Variants in CCDC15 observed in about 807,000 individuals in gnomAD.
CCDC15 encodes coiled-coil domain containing 15.
In CCDC15, 105 loss-of-function variants were observed where a neutral mutation model predicts 114.5. The ratio of observed to expected loss-of-function variants is 0.92; its 90% confidence interval spans 0.78 to 1.08. The LOEUF (loss-of-function observed/expected upper bound fraction) is 1.08. CCDC15 is among the 50% of genes least tolerant of loss of function. The pLI is 0.00. For synonymous variants in CCDC15, 334 were observed against 377.8 expected, an observed-to-expected ratio of 0.88 and a Z score of 1.34; for missense variants, 1,105 against 1,093.6, an observed-to-expected ratio of 1.01 and a Z score of -0.15.
intron 4 of CCDC15, among the ~76,000 whole-genome samples, chr11:124,969,284 A>G (rs1303707997): frequency 6.6e-6 from 1 of 152,176 alleles, no homozygotes; most frequent in Non-Finnish European, 1.5e-5. Flanking sequence ...TTAGTTGCCT[A>G]AAGGTAGGAG....
chr11:125,010,975 T>C (rs918814189), intron 13 of CCDC15, among the ~76,000 whole-genome samples: 2 of 152,102 alleles, frequency 1.3e-5, no homozygotes, highest in Non-Finnish European at 1.5e-5. Flanking sequence ...TTGTGTATAG[T>C]AAAGGTAGGG....
chr11:125,022,020 G>A (rs548140567), intron 13 of CCDC15, among the ~76,000 whole-genome samples: 4 of 151,890 alleles, frequency 2.6e-5, no homozygotes, highest in African/African-American at 7.2e-5. Context: ...TACTTTACTG[G>A]CTCTCATTGG....
intron 13 of CCDC15, among the ~76,000 whole-genome samples, chr11:125,005,487 C>G (rs1948544898): frequency 6.6e-6 from 1 of 152,036 alleles, no homozygotes; most frequent in South Asian, 2.1e-4. Context: ...AAATGCGTAG[C>G]CTCTCCTACT....
chr11:124,977,480 A>G lies in CCDC15; in HGVS notation c.633A>G (p.Glu211=), dbSNP rs1339945151. Residue 211 remains glutamate (E), a splice_region_variant and synonymous_variant, in exon 6 of 16, where the codon GAA becomes GAG. Transcript: ENST00000344762. ...DGRKSFLTRE[E]VLSRKPASTG... is the part of the protein sequence containing the mutation. ...ATTTGTAGTAATTTTTTTTCCAGGA[A>G]GTGCTTTCCAGGAAACCAGCATCCA... 2 of 1,583,970 alleles carry G rather than the reference A, an allele frequency of 1.3e-6. No individual in the cohort carries two copies. The highest frequency in any genetic ancestry group is 1.7e-6 in the Non-Finnish European group (2 of 1,166,448).
intron 7 of CCDC15, 58 bp from the exon 8 acceptor site, chr11:124,987,069 A>G: frequency 7.1e-7 from 1 of 1,408,572 alleles, no homozygotes; most frequent in Non-Finnish European, 9.4e-7. Context: ...TATTTTGGAA[A>G]ATCTAGAGTA....
chr11:125,002,376 C>T (rs1948494619), intron 11 of CCDC15, among the ~76,000 whole-genome samples: 1 of 152,134 alleles, frequency 6.6e-6, no homozygotes, highest in Non-Finnish European at 1.5e-5. Flanking sequence ...ATGGTTTCCT[C>T]TGCAGCACAA....
intron 3 of CCDC15, 88 bp from the exon 4 acceptor site, chr11:124,959,727 T>G: frequency 2.6e-6 from 2 of 766,202 alleles, no homozygotes; most frequent in Non-Finnish European, 3.7e-6. Flanking sequence ...CACCCCAATT[T>G]AAAATCTTCT....
In CCDC15 at chr11:124,992,688, G is replaced by A. The variant is rs755898441; in HGVS notation, c.2139+1G>A. On this transcript the variant is annotated splice_donor_variant, in intron 10 of 15. Coordinates refer to ENST00000344762, the MANE Select transcript of CCDC15 (RefSeq NM_025004.3). LOFTEE classifies it high-confidence loss of function. ...GGACCAAGACTCCCCTAGAGAACAG[G>A]TAGAACCGAATACAGTAGGAGGACT... 6 of 1,524,452 alleles carry A rather than the reference G, an allele frequency of 3.9e-6. No individual in the cohort carries two copies. The Admixed American group carries it at 1.1e-4, about 28-fold the overall frequency. The allele number at this position is 1,524,452 out of a possible 1,614,324, so 94.4% of individuals were successfully genotyped here.
intron 13 of CCDC15, among the ~76,000 whole-genome samples, chr11:125,021,406 C>A (rs190186252): frequency 1.3e-5 from 2 of 151,732 alleles, no homozygotes; most frequent in African/African-American, 4.8e-5. Flanking sequence ...TTTCTAACTG[C>A]CCCCCAATAT....
chr11:125,012,671 GA>G (rs1246246246), intron 13 of CCDC15, among the ~76,000 whole-genome samples: 1 of 152,144 alleles, frequency 6.6e-6, no homozygotes, highest in Non-Finnish European at 1.5e-5. Flanking sequence ...GGTGAGTTAG[GA>G]AAACATATAT....
chr11:124,986,716 C>CGT (rs775850200), intron 6 of CCDC15, 26 bp from the exon 7 acceptor site: 3 of 1,524,732 alleles, frequency 2.0e-6, no homozygotes, highest in East Asian at 2.5e-5. Flanking sequence ...CGCGCGCGTG[C>CGT]GCGTTTTCAT....
chr11:125,040,338 A>G (rs1948807410), intron 15 of CCDC15, among the ~76,000 whole-genome samples: 1 of 152,154 alleles, frequency 6.6e-6, no homozygotes, highest in Non-Finnish European at 1.5e-5. Flanking sequence ...TGCCTGGCCT[A>G]TGATGACATT....
At chr11:125,009,403 A>C (rs1025850982) in intron 13 of CCDC15, among the ~76,000 whole-genome samples, 17 of 152,230 alleles carry the variant, frequency 1.1e-4, no homozygotes, top group Non-Finnish European at 1.9e-4. Context: ...ACTCTGTATA[A>C]TACTATAACA....
At chr11:125,027,591 T>G (rs1323152722) in intron 13 of CCDC15, among the ~76,000 whole-genome samples, 1 of 136,166 alleles carries the variant, frequency 7.3e-6, no homozygotes, top group Non-Finnish European at 1.6e-5. Context: ...GGATTATTTG[T>G]TTTTTTTTTC....
chr11:124,995,115 G>A (rs546848954), intron 11 of CCDC15, among the ~76,000 whole-genome samples: 2 of 152,242 alleles, frequency 1.3e-5, no homozygotes, highest in Admixed American at 1.3e-4. Context: ...TACATCCTGA[G>A]CCCTGCCAGG....
intron 4 of CCDC15, among the ~76,000 whole-genome samples, chr11:124,974,471 GTTAC>G (rs1323892244): frequency 3.9e-5 from 6 of 152,156 alleles, no homozygotes; most frequent in Admixed American, 1.3e-4. Context: ...TTTATTAGGT[GTTAC>G]TTAAAGTAGT....
At chr11:124,996,714 TC>T (rs1266904242) in intron 11 of CCDC15, among the ~76,000 whole-genome samples, 1 of 152,172 alleles carries the variant, frequency 6.6e-6, no homozygotes, top group African/African-American at 2.4e-5. Flanking sequence ...CAGTCTCTTC[TC>T]CCCATGTCCC....
At chr11:124,982,495 C>G (rs1468191003) in intron 6 of CCDC15, among the ~76,000 whole-genome samples, 1 of 152,190 alleles carries the variant, frequency 6.6e-6, no homozygotes, top group African/African-American at 2.4e-5. Context: ...GTAATGAATT[C>G]CCTTAGCATT....
At chr11:124,988,739 A>G (rs1948218489) in intron 8 of CCDC15, among the ~76,000 whole-genome samples, 1 of 152,208 alleles carries the variant, frequency 6.6e-6, no homozygotes, top group Non-Finnish European at 1.5e-5. Flanking sequence ...TGTCATTTTA[A>G]CAATGTTCAC....
Sources: gnomAD v4.1 joint callset for allele counts (sites outside exome capture counted in the v4.1 genomes callset) on GRCh38, gnomAD v4.1.1 for gene constraint, MANE v1.5 for transcripts, NCBI Gene and HGNC (gene_info 2026-07-23, HGNC 2026-07-21) for gene names.